Variants in CSMD1 observed in about 807,000 individuals in gnomAD.
CSMD1 encodes the protein CUB and Sushi multiple domains 1, also known as CUB and sushi domain-containing protein 1.
CSMD1 carries 213 observed loss-of-function variants against 417.5 expected under a neutral mutation model. The observed-to-expected ratio is 0.51, with a 90% CI of 0.46 to 0.57. The LOEUF is 0.57. CSMD1 is among the 20% of genes least tolerant of loss of function. The pLI, the probability that CSMD1 is intolerant of heterozygous loss-of-function variation, is 0.00. For synonymous variants in CSMD1, 2,862 were observed against 1,736.8 expected, an observed-to-expected ratio of 1.65 and a Z score of -16.11; for missense variants, 6,923 against 4,529.7, an observed-to-expected ratio of 1.53 and a Z score of -15.17.
intron 10 of CSMD1, among the ~76,000 whole-genome samples, chr8:3,525,143 G>T (rs1236022917): frequency 6.6e-6 from 1 of 152,104 alleles, no homozygotes; most frequent in Non-Finnish European, 1.5e-5. Flanking sequence ...CATACAGTGA[G>T]TCTTGAGTCT....
intron 5 of CSMD1, among the ~76,000 whole-genome samples, chr8:3,925,561 C>A (rs964537822): frequency 3.3e-5 from 5 of 152,120 alleles, no homozygotes; most frequent in Non-Finnish European, 2.9e-5. Flanking sequence ...GAGGGACCCA[C>A]GGTGAGGTAA....
intron 2 of CSMD1, among the ~76,000 whole-genome samples, chr8:4,450,604 C>G (rs1162891042): frequency 6.6e-6 from 1 of 152,060 alleles, no homozygotes; most frequent in Non-Finnish European, 1.5e-5. Flanking sequence ...GCACTCCAGC[C>G]TGGTAACAGA....
chr8:3,495,386 T>C (rs186991520), intron 10 of CSMD1, among the ~76,000 whole-genome samples: 1 of 152,032 alleles, frequency 6.6e-6, no homozygotes, highest in Non-Finnish European at 1.5e-5. Flanking sequence ...TGTGTCATGT[T>C]TGGCTGATTT....
At chr8:3,081,809 T>C (rs1814122250) in intron 49 of CSMD1, among the ~76,000 whole-genome samples, 1 of 152,232 alleles carries the variant, frequency 6.6e-6, no homozygotes, top group Non-Finnish European at 1.5e-5. Context: ...AAATGAAGCA[T>C]CCAGTATCTT....
At chr8:4,277,704 A>G (rs949054420) in intron 3 of CSMD1, among the ~76,000 whole-genome samples, 3 of 152,138 alleles carry the variant, frequency 2.0e-5, no homozygotes, top group Non-Finnish European at 2.9e-5. Context: ...GAAACTCCTT[A>G]AAGTGTTAAC....
chr8:4,579,669 T>G (rs1799322535), intron 2 of CSMD1, among the ~76,000 whole-genome samples: 1 of 152,120 alleles, frequency 6.6e-6, no homozygotes, highest in South Asian at 2.1e-4. Context: ...GCCTTAAACC[T>G]ATATTTTAAG....
chr8:3,899,171 C>T (rs1400955690), intron 5 of CSMD1, among the ~76,000 whole-genome samples: 1 of 152,188 alleles, frequency 6.6e-6, no homozygotes, highest in Non-Finnish European at 1.5e-5. Context: ...GTCAAAGGTG[C>T]TTACGGCCTA....
intron 5 of CSMD1, among the ~76,000 whole-genome samples, chr8:3,797,247 G>A (rs771809743): frequency 6.6e-6 from 1 of 151,986 alleles, no homozygotes; most frequent in South Asian, 2.1e-4. Context: ...TCAAACTCAA[G>A]TGGCTATAAA....
chr8:4,166,104 A>C (rs79770590), intron 3 of CSMD1, among the ~76,000 whole-genome samples: 1 of 152,212 alleles, frequency 6.6e-6, no homozygotes, highest in African/African-American at 2.4e-5. Context: ...TGATGAGGTC[A>C]TAGAGCAGCA....
chr8:4,358,496 C>T (rs1362526079), intron 3 of CSMD1, among the ~76,000 whole-genome samples: 3 of 152,202 alleles, frequency 2.0e-5, no homozygotes, highest in Non-Finnish European at 2.9e-5. Context: ...TGTATGTCTC[C>T]TTTTGCGATA....
chr8:4,605,726 C>T (rs1486205301), intron 2 of CSMD1, among the ~76,000 whole-genome samples: 1 of 152,132 alleles, frequency 6.6e-6, no homozygotes, highest in African/African-American at 2.4e-5. Context: ...TGTCTCATAT[C>T]CACGATCTGT....
chr8:3,038,621 G>A (rs1339488826), intron 50 of CSMD1, among the ~76,000 whole-genome samples: 3 of 152,008 alleles, frequency 2.0e-5, no homozygotes, highest in African/African-American at 7.2e-5. Flanking sequence ...GTTTTACCAT[G>A]CACTGCATAT....
chr8:4,057,485 C>T (rs904264144), intron 3 of CSMD1, among the ~76,000 whole-genome samples: 1 of 152,060 alleles, frequency 6.6e-6, no homozygotes, highest in African/African-American at 2.4e-5. Context: ...TTGTAGGTTG[C>T]CTGTTCATTC....
intron 5 of CSMD1, among the ~76,000 whole-genome samples, chr8:3,922,755 G>T (rs1007743488): frequency 2.0e-5 from 3 of 151,880 alleles, no homozygotes; most frequent in Non-Finnish European, 2.9e-5. Flanking sequence ...ATTATTGTAG[G>T]TATGGTTATT....
chr8:3,893,047 A>C (rs1807092261), intron 5 of CSMD1, among the ~76,000 whole-genome samples: 1 of 151,990 alleles, frequency 6.6e-6, no homozygotes, highest in African/African-American at 2.4e-5. Flanking sequence ...ATATGGATTA[A>C]ACAAGTTTGA....
At chr8:4,423,059 A>C (rs915406910) in intron 2 of CSMD1, among the ~76,000 whole-genome samples, 13 of 152,042 alleles carry the variant, frequency 8.6e-5, no homozygotes, top group African/African-American at 3.1e-4. Context: ...TACAAAAATA[A>C]AAAAAATTTA....
chr8:3,827,765 T>C (rs531490866), intron 5 of CSMD1, among the ~76,000 whole-genome samples: 9 of 152,334 alleles, frequency 5.9e-5, no homozygotes, highest in East Asian at 1.9e-4. Flanking sequence ...GAATAGTTGA[T>C]TGGGAAAAGA....
chr8:4,375,292 G>C (rs985855771), intron 3 of CSMD1, among the ~76,000 whole-genome samples: 1 of 152,100 alleles, frequency 6.6e-6, no homozygotes, highest in Admixed American at 6.5e-5. Context: ...ACACAAAAAA[G>C]TGTCATATCT....
intron 5 of CSMD1, among the ~76,000 whole-genome samples, chr8:3,816,494 A>G (rs184279134): frequency 2.0e-3 from 301 of 152,282 alleles, no homozygotes; most frequent in Non-Finnish European, 1.9e-3. Flanking sequence ...CTAATTTATA[A>G]ATTAAACTTC....
Sources: gnomAD v4.1 joint callset for allele counts (sites outside exome capture counted in the v4.1 genomes callset) on GRCh38, gnomAD v4.1.1 for gene constraint, MANE v1.5 for transcripts, NCBI Gene and HGNC (gene_info 2026-07-23, HGNC 2026-07-21) for gene names.